The following CCDC88C variants were observed in gnomAD, a reference collection of about 807,000 sequenced individuals.
CCDC88C encodes coiled-coil and HOOK domain protein 88C, also known as protein Daple.
A neutral mutation model predicts 198.8 loss-of-function variants in CCDC88C; 131 were observed. That is an observed-to-expected ratio of 0.66 (90% CI 0.57 to 0.76). The LOEUF is 0.76. CCDC88C is among the 30% of genes least tolerant of loss of function. The pLI, the probability that CCDC88C is intolerant of heterozygous loss-of-function variation, is 0.00. For missense variants in CCDC88C, 2,553 were observed against 2,631.6 expected (o/e 0.97, Z 0.65); for synonymous variants, 1,166 against 1,114.7 (o/e 1.05, Z -0.92).
At chr14:91,320,446 C>T (rs979070215) in intron 13 of CCDC88C, among the ~76,000 whole-genome samples, 11 of 152,206 alleles carry the variant, frequency 7.2e-5, no homozygotes, top group East Asian at 1.9e-4. Context: ...CCGCACCCAC[C>T]GCCCTGTGCA....
chr14:91,415,202 T>G (rs1465251242), intron 2 of CCDC88C, among the ~76,000 whole-genome samples: 1 of 150,910 alleles, frequency 6.6e-6, no homozygotes, highest in Non-Finnish European at 1.5e-5. Context: ...GAGGGGAGAG[T>G]GGCCAGAACT....
At chr14:91,393,513 C>T (rs1457158434) in intron 3 of CCDC88C, among the ~76,000 whole-genome samples, 1 of 152,196 alleles carries the variant, frequency 6.6e-6, no homozygotes, top group Non-Finnish European at 1.5e-5. Flanking sequence ...GTCTGGACTA[C>T]CTGTTTTGGA....
intron 4 of CCDC88C, among the ~76,000 whole-genome samples, chr14:91,358,874 G>A (rs1349634359): frequency 6.6e-5 from 10 of 152,176 alleles, no homozygotes; most frequent in Admixed American, 6.5e-5. Flanking sequence ...TGCCAGGAGA[G>A]CTGAGTCCAA....
intron 3 of CCDC88C, among the ~76,000 whole-genome samples, chr14:91,376,430 T>C (rs1347746179): frequency 6.6e-6 from 1 of 152,016 alleles, no homozygotes; most frequent in Non-Finnish European, 1.5e-5. Flanking sequence ...CAGGGCGTTA[T>C]AGTGAATGGA....
chr14:91,302,581 A>C (rs549954936), intron 20 of CCDC88C, among the ~76,000 whole-genome samples: 1 of 152,200 alleles, frequency 6.6e-6, no homozygotes, highest in Non-Finnish European at 1.5e-5. Context: ...TCAAGAGTGC[A>C]AAGTTAAGAT....
chr14:91,376,376 A>T (rs986786091), intron 3 of CCDC88C, among the ~76,000 whole-genome samples: 3 of 152,078 alleles, frequency 2.0e-5, no homozygotes, highest in African/African-American at 7.2e-5. Context: ...TCACCCAACA[A>T]GCGTTTAGTG....
chr14:91,337,040 G>A (rs1174560193), intron 10 of CCDC88C, among the ~76,000 whole-genome samples: 1 of 152,158 alleles, frequency 6.6e-6, no homozygotes, highest in Non-Finnish European at 1.5e-5. Context: ...CTCAGCTCAC[G>A]TTTTCTAACC....
chr14:91,336,785 A>G (rs572534087), intron 10 of CCDC88C, among the ~76,000 whole-genome samples: 2 of 152,258 alleles, frequency 1.3e-5, no homozygotes, highest in South Asian at 4.1e-4. Context: ...CCACAGCCTC[A>G]CCAACCCACC....
In CCDC88C at chr14:91,321,162, C is replaced by T. The variant is rs753486732; in HGVS notation, c.1485G>A (p.Lys495=). Residue 495 remains lysine (K), a synonymous_variant, in exon 13 of 30, where the codon AAG becomes AAA. Transcript: ENST00000389857. ...GGTTCTCCTTCTCCAGCTCCCCGCACTTGAGGCCGCTCTCCTCCAACACCA... is the reference window on the plus strand; with the variant it reads ...GGTTCTCCTTCTCCAGCTCCCCGCATTTGAGGCCGCTCTCCTCCAACACCA... ...ASLVLEESGL[K]CGELEKENHQ... is the part of the protein sequence containing the mutation. 6.2e-6 allele frequency: 10 copies of T among 1,613,114 alleles called. No homozygotes were observed. Among genetic ancestry groups the T allele is most frequent in the Middle Eastern group, 1.7e-4 (1 of 5,872 alleles).
intron 4 of CCDC88C, among the ~76,000 whole-genome samples, chr14:91,358,972 ATTCTT>A (rs1894170053): frequency 6.6e-6 from 1 of 152,050 alleles, no homozygotes; most frequent in African/African-American, 2.4e-5. Context: ...CTCTAAAGAG[ATTCTT>A]ACTCTCTTGT....
At chr14:91,393,185 C>A (rs764673919) in intron 3 of CCDC88C, among the ~76,000 whole-genome samples, 10 of 152,114 alleles carry the variant, frequency 6.6e-5, no homozygotes, top group Admixed American at 4.6e-4. Context: ...GAGGAACAGG[C>A]TAGGAGGGGT....
At chr14:91,348,726 A>T (rs1196745227) in intron 4 of CCDC88C, among the ~76,000 whole-genome samples, 2 of 152,202 alleles carry the variant, frequency 1.3e-5, no homozygotes, top group Non-Finnish European at 2.9e-5. Context: ...AAAAGGCTTT[A>T]AAGGTAGAGA....
intron 3 of CCDC88C, among the ~76,000 whole-genome samples, chr14:91,402,822 C>T (rs1461257602): frequency 6.6e-6 from 1 of 152,208 alleles, no homozygotes; most frequent in South Asian, 2.1e-4. Flanking sequence ...ATTTTTAATT[C>T]TTCAAAACAA....
chr14:91,410,035 T>A (rs1457892935), intron 2 of CCDC88C, among the ~76,000 whole-genome samples: 1 of 152,218 alleles, frequency 6.6e-6, no homozygotes. Flanking sequence ...TGTCATTTAT[T>A]TTCCAACCTC....
Position 91,398,556 on chromosome 14 carries a change from T to C in CCDC88C, c.270+10103A>G, listed in dbSNP as rs529300147. Among the ~76,000 whole-genome samples, 15 of 151,970 alleles carry C rather than the reference T, an allele frequency of 9.9e-5. No individual in the cohort carries two copies. The East Asian group carries it at 2.5e-3, about 25-fold the overall frequency. On this transcript the variant is annotated intron_variant, in intron 3 of 29. Transcript: ENST00000389857. Reference sequence around the variant, plus strand: ...CCTGTAGTCCCAGCTACTTGGTAGATTGAGGCTGGAGGATTGCTTGAGCCC... The same window carrying C: ...CCTGTAGTCCCAGCTACTTGGTAGACTGAGGCTGGAGGATTGCTTGAGCCC...
intron 15 of CCDC88C, among the ~76,000 whole-genome samples, chr14:91,310,848 G>A (rs751217583): frequency 2.0e-5 from 3 of 152,132 alleles, no homozygotes; most frequent in Non-Finnish European, 2.9e-5. Flanking sequence ...TCGCATGCAC[G>A]CTTAACCCTC....
At position 91,313,886 on chromosome 14, in the gene CCDC88C, TCTC is replaced by T. The variant is rs755379031; in HGVS notation, c.1927_1929del (p.Glu643del). 1.2e-6 allele frequency: 2 copies of T among 1,608,042 alleles called. No homozygotes were observed. The highest frequency in any genetic ancestry group is 2.2e-5 in the East Asian group (1 of 44,764). The stretch of plus-strand genomic sequence containing the variant: ...GTCACCTTCCTGGCCAGCCTCCCGT[TCTC>T]CTCCTGGAGTCGCTGTAGCTCCCTC... On this transcript the variant is annotated inframe_deletion, in exon 15 of 30. Coordinates refer to ENST00000389857, the MANE Select transcript of CCDC88C (RefSeq NM_001080414.4). The surrounding 1 kb of genome is among the most constrained non-coding windows in gnomAD (Gnocchi z 5.2).
Position 91,303,989 on chromosome 14 carries a change from G to A in CCDC88C, c.3358-11C>T. 6.3e-7 allele frequency: 1 copy of A among 1,593,772 alleles called. No homozygotes were observed. Among genetic ancestry groups the A allele is most frequent in the Admixed American group, 1.7e-5 (1 of 59,856 alleles). ...CGTGGAGTTCTCCACCTGCCGAGAG[G>A]GAGAAGCGCGGCGTGGCGCAGGCCC... On this transcript the variant is annotated splice_polypyrimidine_tract_variant and intron_variant, in intron 19 of 29. Coordinates refer to ENST00000389857, the MANE Select transcript of CCDC88C (RefSeq NM_001080414.4).
chr14:91,297,715 C>T (rs1454931400), intron 21 of CCDC88C, among the ~76,000 whole-genome samples: 2 of 152,092 alleles, frequency 1.3e-5, no homozygotes, highest in Admixed American at 1.3e-4. Flanking sequence ...TGAGGGTACC[C>T]CTGATGCCAC....
Sources: gnomAD v4.1 joint callset for allele counts (sites outside exome capture counted in the v4.1 genomes callset) on GRCh38, gnomAD v4.1.1 for gene constraint, Gnocchi (gnomAD v3.1) non-coding constraint, MANE v1.5 for transcripts, NCBI Gene and HGNC (gene_info 2026-07-23, HGNC 2026-07-21) for gene names.